The following EYS variants were observed in gnomAD, a reference collection of about 807,000 sequenced individuals.
EYS encodes protein eyes shut homolog.
Under a neutral mutation model 282.1 loss-of-function variants are expected in EYS, and 250 were observed. The ratio of observed to expected loss-of-function variants is 0.89; its 90% CI spans 0.80 to 0.98. The LOEUF (loss-of-function observed/expected upper bound fraction) is 0.98, where lower values mean the gene tolerates loss of function less well. Ranked by LOEUF, EYS falls within the 50% of genes least tolerant of loss-of-function variation. EYS has a pLI of 0.00. For synonymous variants in EYS, 1,355 were observed against 1,282.9 expected (o/e 1.06, Z -1.20); for missense variants, 4,016 against 3,709.0 (o/e 1.08, Z -2.15).
chr6:64,555,692 C>T (rs554711112), intron 26 of EYS, among the ~76,000 whole-genome samples: 1 of 147,628 alleles, frequency 6.8e-6, no homozygotes, highest in South Asian at 2.1e-4. Flanking sequence ...AAAAGATAGT[C>T]AAAGTTATTA....
chr6:64,430,514 A>G (rs1455036992), intron 28 of EYS, among the ~76,000 whole-genome samples: 1 of 152,212 alleles, frequency 6.6e-6, no homozygotes, highest in Non-Finnish European at 1.5e-5. Context: ...ACCACTAAAA[A>G]CCAAGATTAA....
At chr6:64,502,504 G>A (rs547536399) in intron 26 of EYS, among the ~76,000 whole-genome samples, 38 of 152,314 alleles carry the variant, frequency 2.5e-4, no homozygotes, top group South Asian at 8.3e-4. Context: ...TTACAGGCGT[G>A]AGCCACTGCG....
At chr6:65,030,996 G>T (rs886477867) in intron 13 of EYS, among the ~76,000 whole-genome samples, 1 of 151,936 alleles carries the variant, frequency 6.6e-6, no homozygotes, top group East Asian at 1.9e-4. Flanking sequence ...AGCAGAGGTT[G>T]CTATTCTAAT....
chr6:64,625,878 A>T (rs1047222365), intron 23 of EYS, among the ~76,000 whole-genome samples: 2 of 152,194 alleles, frequency 1.3e-5, no homozygotes, highest in African/African-American at 4.8e-5. Flanking sequence ...TCCATCAATA[A>T]GGTATTACAC....
Position 64,548,681 on chromosome 6 carries a change from G to A in EYS, c.5644+41542C>T, listed in dbSNP as rs560787431. 9.9e-4 allele frequency among the ~76,000 whole-genome samples: 151 copies of A among 152,234 alleles called. 1 individual carries two copies. Among genetic ancestry groups the A allele is most frequent in the Middle Eastern group, 3.4e-3 (1 of 294 alleles). The stretch of plus-strand genomic sequence containing the variant: ...CATCACACACTGGGGCCTGTTGTGG[G>A]GTGTGGGGAGGGGGGAGGAGTAGCA... On this transcript the variant is annotated intron_variant, in intron 26 of 42. Transcript: ENST00000503581.
chr6:65,266,335 G>A (rs1767751803), intron 12 of EYS, among the ~76,000 whole-genome samples: 1 of 151,814 alleles, frequency 6.6e-6, no homozygotes, highest in South Asian at 2.1e-4. Context: ...AATTGATTCT[G>A]AAACAGTGAA....
chr6:65,105,233 A>T (rs1383975857), intron 12 of EYS, among the ~76,000 whole-genome samples: 1 of 151,780 alleles, frequency 6.6e-6, no homozygotes, highest in Non-Finnish European at 1.5e-5. Flanking sequence ...ATAACCATGT[A>T]TATGCTAGAA....
At chr6:64,055,601 G>A (rs572674799) in intron 33 of EYS, among the ~76,000 whole-genome samples, 1 of 152,134 alleles carries the variant, frequency 6.6e-6, no homozygotes, top group African/African-American at 2.4e-5. Flanking sequence ...TACCCTACTT[G>A]GGCTGTGCTG....
intron 26 of EYS, among the ~76,000 whole-genome samples, chr6:64,444,091 C>T (rs754038964): frequency 4.2e-5 from 6 of 142,260 alleles, no homozygotes; most frequent in Non-Finnish European, 7.8e-5. Flanking sequence ...CTGCTTATTC[C>T]TCTCATGAAA....
At chr6:64,535,555 T>G (rs1205624201) in intron 26 of EYS, among the ~76,000 whole-genome samples, 1 of 139,954 alleles carries the variant, frequency 7.1e-6, no homozygotes, top group Non-Finnish European at 1.5e-5. Context: ...TTGGGCAACA[T>G]AGTGAGACTT....
Position 64,733,466 on chromosome 6 carries a change from G to T in EYS, c.3443+79912C>A. 3 of 190,710 alleles carry T rather than the reference G, an allele frequency of 1.6e-5. No individual in the cohort carries two copies. In the South Asian group the frequency reaches 3.4e-4, roughly 22 times the overall value. The allele number at this position is 190,710 out of a possible 1,614,324, so 11.8% of individuals were successfully genotyped here. On this transcript the variant is annotated intron_variant, in intron 22 of 42. Transcript: ENST00000503581. ...ACTTGGCCACCACAATGATGCTGCT[G>T]ACAGTGGTTGAAGTCTTCTTTTCAG...
intron 8 of EYS, among the ~76,000 whole-genome samples, chr6:65,364,464 A>T (rs1764835648): frequency 6.6e-6 from 1 of 151,432 alleles, no homozygotes; most frequent in African/African-American, 2.4e-5. Context: ...CAAATAGTCC[A>T]CTCATTACAG....
At chr6:65,134,413 C>T (rs967781769) in intron 12 of EYS, among the ~76,000 whole-genome samples, 4 of 151,896 alleles carry the variant, frequency 2.6e-5, no homozygotes, top group African/African-American at 9.7e-5. Context: ...TACCAGATAG[C>T]CTTAAAAAAA....
At chr6:65,355,125 G>C (rs569908363) in intron 8 of EYS, among the ~76,000 whole-genome samples, 1 of 152,106 alleles carries the variant, frequency 6.6e-6, no homozygotes, top group African/African-American at 2.4e-5. Flanking sequence ...TAGCAGAATA[G>C]TACATTATTC....
intron 2 of EYS, among the ~76,000 whole-genome samples, chr6:65,556,156 T>G: frequency 6.6e-6 from 1 of 152,156 alleles, no homozygotes; most frequent in East Asian, 1.9e-4. Context: ...ATTTTCACAT[T>G]ATTGGTACCA....
At chr6:63,789,260 G>A (rs753766825) in intron 37 of EYS, 36 bp from the exon 38 acceptor site, 1 of 1,538,196 alleles carries the variant, frequency 6.5e-7, no homozygotes, top group Non-Finnish European at 8.8e-7. Flanking sequence ...TGCTCACTGA[G>A]AGGAAATTCA....
At chr6:64,358,914 G>A (rs542595877) in intron 29 of EYS, among the ~76,000 whole-genome samples, 60 of 151,702 alleles carry the variant, frequency 4.0e-4, no homozygotes, top group African/African-American at 1.4e-3. Context: ...CCATAATTTT[G>A]TCATCAAAGA....
At chr6:64,256,654 C>A (rs1767411161) in intron 30 of EYS, among the ~76,000 whole-genome samples, 1 of 152,078 alleles carries the variant, frequency 6.6e-6, no homozygotes, top group East Asian at 1.9e-4. Flanking sequence ...TATTAAGGGG[C>A]CTGCCTGTAT....
chr6:63,911,897 G>A (rs1764261908), intron 35 of EYS, among the ~76,000 whole-genome samples: 1 of 152,220 alleles, frequency 6.6e-6, no homozygotes, highest in African/African-American at 2.4e-5. Context: ...TGTTGAGTAT[G>A]TGCAAAGATG....
Sources: allele counts gnomAD v4.1 joint callset (sites outside exome capture counted in the v4.1 genomes callset), GRCh38; gene constraint gnomAD v4.1.1; transcripts MANE v1.5; gene names NCBI Gene and HGNC (gene_info 2026-07-23, HGNC 2026-07-21).